Variants in MACROD2 observed in about 807,000 individuals in gnomAD.
MACROD2 encodes mono-ADP ribosylhydrolase 2, also known as ADP-ribose glycohydrolase MACROD2.
Under a neutral mutation model 70.4 loss-of-function variants are expected in MACROD2, and 36 were observed. The observed-to-expected ratio is 0.51, with a 90% CI of 0.39 to 0.68. The LOEUF (loss-of-function observed/expected upper bound fraction) is 0.68, where lower values mean the gene tolerates loss of function less well. MACROD2 is among the 30% of genes least tolerant of loss of function. The pLI is 0.00. For missense variants in MACROD2, 496 were observed against 538.4 expected (o/e 0.92, Z 0.78); for synonymous variants, 172 against 178.8 (o/e 0.96, Z 0.30).
intron 7 of MACROD2, among the ~76,000 whole-genome samples, chr20:15,482,297 A>C (rs2047108156): frequency 6.6e-6 from 1 of 152,224 alleles, no homozygotes; most frequent in South Asian, 2.1e-4. Flanking sequence ...ACCACACCAA[A>C]GAAGATATAC....
At chr20:14,837,171 T>G (rs868464744) in intron 5 of MACROD2, among the ~76,000 whole-genome samples, 2 of 152,066 alleles carry the variant, frequency 1.3e-5, no homozygotes, top group Non-Finnish European at 2.9e-5. Context: ...AATAAATATC[T>G]AGAAAATAAT....
intron 5 of MACROD2, among the ~76,000 whole-genome samples, chr20:14,955,954 T>G (rs991338907): frequency 6.6e-6 from 1 of 152,166 alleles, no homozygotes; most frequent in Non-Finnish European, 1.5e-5. Flanking sequence ...CCTAGACATT[T>G]TATTTTTGCA....
intron 7 of MACROD2, among the ~76,000 whole-genome samples, chr20:15,459,466 A>T (rs898393333): frequency 6.6e-5 from 10 of 152,034 alleles, no homozygotes; most frequent in African/African-American, 2.2e-4. Context: ...TCCCCCCACT[A>T]TCCTTGTATA....
intron 5 of MACROD2, among the ~76,000 whole-genome samples, chr20:14,856,731 A>G (rs899502020): frequency 6.6e-6 from 1 of 152,138 alleles, no homozygotes; most frequent in Non-Finnish European, 1.5e-5. Flanking sequence ...GATCCCAGGT[A>G]GTGTCCATGC....
At position 15,604,961 on chromosome 20, in the gene MACROD2, T is replaced by C. The variant is rs115989804; in HGVS notation, c.645+105114T>C. ...TACAATTTCTCACCCAAATCTGGCC[T>C]TTTGGAAACAGAGCTATAAACGGAT... On this transcript the variant is annotated intron_variant, in intron 8 of 17. Transcript: ENST00000684519. Among the ~76,000 whole-genome samples the C allele has an allele frequency of 3.9e-3, 600 of 152,346 alleles. 2 individuals are homozygous for C. Among genetic ancestry groups the C allele is most frequent in the African/African-American group, 0.014 (564 of 41,578 alleles).
intron 8 of MACROD2, among the ~76,000 whole-genome samples, chr20:15,756,821 A>T (rs1217565539): frequency 2.6e-5 from 4 of 152,222 alleles, no homozygotes. Context: ...ACCTTTTGGT[A>T]GGACAGTTTT....
intron 8 of MACROD2, among the ~76,000 whole-genome samples, chr20:15,541,844 C>A (rs921075942): frequency 6.6e-6 from 1 of 152,186 alleles, no homozygotes; most frequent in African/African-American, 2.4e-5. Context: ...GCCCATAACT[C>A]CATGTAGCAT....
intron 8 of MACROD2, among the ~76,000 whole-genome samples, chr20:15,701,510 T>A (rs561960849): frequency 6.6e-6 from 1 of 152,336 alleles, no homozygotes; most frequent in African/African-American, 2.4e-5. Flanking sequence ...CATGTTCCAA[T>A]GGCTTCAAGT....
At chr20:14,582,141 A>AAGAT (rs1271275362) in intron 4 of MACROD2, among the ~76,000 whole-genome samples, 1 of 152,104 alleles carries the variant, frequency 6.6e-6, no homozygotes, top group East Asian at 1.9e-4. Context: ...ATCTGTGCAC[A>AAGAT]AGTCCTCATC....
intron 9 of MACROD2, among the ~76,000 whole-genome samples, chr20:15,864,327 C>T (rs2064463690): frequency 6.6e-6 from 1 of 152,066 alleles, no homozygotes; most frequent in South Asian, 2.1e-4. Flanking sequence ...AAAGAAAATG[C>T]TAATTATATT....
At chr20:15,972,427 A>G (rs551087178) in intron 13 of MACROD2, among the ~76,000 whole-genome samples, 13 of 152,326 alleles carry the variant, frequency 8.5e-5, no homozygotes, top group South Asian at 4.1e-4. Context: ...TAAGTACATC[A>G]TAATCAATTT....
At chr20:14,936,264 T>G (rs1321615756) in intron 5 of MACROD2, among the ~76,000 whole-genome samples, 1 of 152,024 alleles carries the variant, frequency 6.6e-6, no homozygotes. Context: ...AGAAGAGCAT[T>G]TGAGGCAGAA....
intron 6 of MACROD2, among the ~76,000 whole-genome samples, chr20:15,417,950 G>T (rs917517097): frequency 6.6e-6 from 1 of 152,134 alleles, no homozygotes; most frequent in East Asian, 1.9e-4. Context: ...TCTCTAACCA[G>T]TTCTTTCTCA....
chr20:15,373,825 T>C lies in MACROD2; in HGVS notation c.541-57580T>C, dbSNP rs150004683. Among the ~76,000 whole-genome samples, 801 of 152,334 alleles carry C rather than the reference T, an allele frequency of 5.3e-3. 7 individuals carry two copies. Among genetic ancestry groups the C allele is most frequent in the Middle Eastern group, 0.02 (6 of 294 alleles). On this transcript the variant is annotated intron_variant, in intron 6 of 17. Transcript: ENST00000684519. ...TGAGTCCTCCAATCCACAAACATTGTATATTTATGTGTATTTTGACATTTT... is the reference window on the plus strand; with the variant it reads ...TGAGTCCTCCAATCCACAAACATTGCATATTTATGTGTATTTTGACATTTT...
At chr20:14,183,669 T>C (rs1569195770) in intron 3 of MACROD2, among the ~76,000 whole-genome samples, 1 of 152,162 alleles carries the variant, frequency 6.6e-6, no homozygotes, top group Non-Finnish European at 1.5e-5. Context: ...GTATAAGCAT[T>C]CCTTTTTCTC....
At chr20:15,034,290 C>T (rs1354255545) in intron 5 of MACROD2, among the ~76,000 whole-genome samples, 1 of 152,156 alleles carries the variant, frequency 6.6e-6, no homozygotes, top group East Asian at 1.9e-4. Context: ...ATATGCTGCA[C>T]AAGAGTGTAT....
At chr20:14,998,518 A>G (rs2074968793) in intron 5 of MACROD2, among the ~76,000 whole-genome samples, 1 of 152,202 alleles carries the variant, frequency 6.6e-6, no homozygotes, top group Non-Finnish European at 1.5e-5. Context: ...AGCAGAACTG[A>G]TCAAGCAAAA....
chr20:15,309,038 C>T (rs184245330), intron 6 of MACROD2, among the ~76,000 whole-genome samples: 6 of 152,202 alleles, frequency 3.9e-5, no homozygotes, highest in Non-Finnish European at 7.4e-5. Flanking sequence ...TGGTAACAGG[C>T]GTACCCATTA....
chr20:14,426,987 T>C lies in MACROD2; in HGVS notation c.272-66492T>C, dbSNP rs993673824. Among the ~76,000 whole-genome samples, 8 of 152,296 alleles carry C rather than the reference T, an allele frequency of 5.3e-5. No individual in the cohort carries two copies. In the East Asian group the frequency reaches 1.5e-3, roughly 29 times the overall value. ...TATTTTTTCAGCAAATCGTTGTTATTTGGCTTTATTCCTTCACCCTTATCT... is the reference window on the plus strand; with the variant it reads ...TATTTTTTCAGCAAATCGTTGTTATCTGGCTTTATTCCTTCACCCTTATCT... On this transcript the variant is annotated intron_variant, in intron 3 of 17. Coordinates refer to ENST00000684519, the MANE Select transcript of MACROD2 (RefSeq NM_001351661.2).
Sources: allele counts gnomAD v4.1 joint callset (sites outside exome capture counted in the v4.1 genomes callset), GRCh38; gene constraint gnomAD v4.1.1; transcripts MANE v1.5; gene names NCBI Gene and HGNC (gene_info 2026-07-23, HGNC 2026-07-21).